Variants in IKBKE observed in about 807,000 individuals in gnomAD.
IKBKE encodes the protein inhibitor of nuclear factor kappa-B kinase subunit epsilon.
IKBKE carries 45 observed loss-of-function variants against 92.1 expected under a neutral mutation model. The ratio of observed to expected loss-of-function variants is 0.49; its 90% confidence interval spans 0.38 to 0.63. IKBKE has a LOEUF of 0.63. IKBKE is among the 20% of genes least tolerant of loss of function. IKBKE has a pLI of 0.00. For synonymous variants in IKBKE, 374 were observed against 380.3 expected (o/e 0.98, Z 0.19); for missense variants, 700 against 932.8 (o/e 0.75, Z 3.25).
chr1:206,479,858 C>A lies in IKBKE; in HGVS notation c.1184-12C>A. 6.2e-7 allele frequency: 1 copy of A among 1,613,640 alleles called. No homozygotes were observed. Among genetic ancestry groups the A allele is most frequent in the African/African-American group, 1.3e-5 (1 of 75,010 alleles). On this transcript the variant is annotated splice_polypyrimidine_tract_variant and intron_variant, in intron 10 of 21. Coordinates refer to ENST00000581977, the MANE Select transcript of IKBKE (RefSeq NM_014002.4). ...TACAGGCAGGCCCCTCAGACAGGGT[C>A]TTTGTCTGCAGCTGCTCTGGACGTC...
chr1:206,484,429 G>T (rs1356852777), intron 13 of IKBKE, among the ~76,000 whole-genome samples: 1 of 152,268 alleles, frequency 6.6e-6, no homozygotes, highest in South Asian at 2.1e-4. Flanking sequence ...CCGTTACATT[G>T]TCCCTGTAGA....
intron 2 of IKBKE, among the ~76,000 whole-genome samples, 156 bp downstream of exon 2, chr1:206,471,401 G>T (rs1664764611): frequency 6.6e-6 from 1 of 152,156 alleles, no homozygotes; most frequent in Non-Finnish European, 1.5e-5. Flanking sequence ...TGGGGTGGTG[G>T]GGGGAGGATC....
At position 206,496,714 on chromosome 1, in the gene IKBKE, TA is replaced by T. The variant is rs1666258848; in HGVS notation, c.*572del. 3 of 233,210 alleles carry T rather than the reference TA, an allele frequency of 1.3e-5. No homozygotes were observed. The highest frequency in any genetic ancestry group is 1.1e-4 in the Admixed American group (2 of 17,784). The allele number at this position is 233,210 out of a possible 1,614,324, so 14.4% of individuals were successfully genotyped here. A position where few individuals can be genotyped will look rare whatever the true frequency, so the allele number is the denominator to read the frequency against. ...TTTCTATGCTTGGTCTGACTGAGCCTAAAGTTGAGAAAATGGGTGGCCAAGG... is the reference window on the plus strand; with the variant it reads ...TTTCTATGCTTGGTCTGACTGAGCCTAAGTTGAGAAAATGGGTGGCCAAGG... On this transcript the variant is annotated 3_prime_UTR_variant, in exon 22 of 22. Transcript: ENST00000581977.
Position 206,479,941 on chromosome 1 carries a change from G to T in IKBKE, c.1248+7G>T, listed in dbSNP as rs782451050. On this transcript the variant is annotated splice_region_variant and intron_variant, in intron 11 of 21. Transcript: ENST00000581977. Reference sequence around the variant, plus strand: ...GGATTACAACACTGCCAAGGTGAGGGGCAACCCCCAGGTGGCAGGGAGGGG... The same window carrying T: ...GGATTACAACACTGCCAAGGTGAGGTGCAACCCCCAGGTGGCAGGGAGGGG... The T allele has an allele frequency of 1.9e-6, 3 of 1,613,742 alleles. No individual in the cohort carries two copies.
At position 206,493,912 on chromosome 1, in the gene IKBKE, T is replaced by G; in HGVS notation, c.2046-8T>G. 1 of 1,613,742 alleles carries G rather than the reference T, an allele frequency of 6.2e-7. No homozygotes were observed. Among genetic ancestry groups the G allele is most frequent in the Non-Finnish European group, 8.5e-7 (1 of 1,179,788 alleles). On this transcript the variant is annotated splice_region_variant and splice_polypyrimidine_tract_variant and intron_variant, in intron 20 of 21. Transcript: ENST00000581977. ...CTCAGCCGCCTCTCCTGCCTCTGCC[T>G]TGGGCAGCATGCAAGAGCTCTGCGA...
At chr1:206,486,827 C>T (rs538584661) in intron 15 of IKBKE, among the ~76,000 whole-genome samples, 18 of 150,412 alleles carry the variant, frequency 1.2e-4, no homozygotes, top group Non-Finnish European at 2.5e-4. Flanking sequence ...GGCTGTGGAT[C>T]GAGGCCCCGT....
chr1:206,489,439 A>G (rs1553389705), intron 16 of IKBKE, among the ~76,000 whole-genome samples: 1 of 148,378 alleles, frequency 6.7e-6, no homozygotes. Flanking sequence ...GCAGTGGCTC[A>G]TGTCTGTAAT....
At chr1:206,479,740 G>T in intron 10 of IKBKE, 130 bp from the exon 11 acceptor site, 1 of 982,488 alleles carries the variant, frequency 1.0e-6, no homozygotes, top group Non-Finnish European at 1.6e-6. Context: ...AAGGTGGGAG[G>T]CTCAGGGTGA....
At chr1:206,494,414 GGC>G (rs1666113137) in intron 21 of IKBKE, among the ~76,000 whole-genome samples, 2 of 151,988 alleles carry the variant, frequency 1.3e-5, no homozygotes, top group Admixed American at 1.3e-4. Context: ...GTGTTTCTCT[GGC>G]CTTGTGGGGC....
intron 2 of IKBKE, 91 bp from the exon 3 acceptor site, chr1:206,473,105 G>A (rs1664865482): frequency 2.7e-6 from 2 of 736,458 alleles, no homozygotes; most frequent in Non-Finnish European, 4.8e-6. Context: ...CCTTCTTAGG[G>A]TAGCCTTGGG....
intron 20 of IKBKE, 77 bp downstream of exon 20, chr1:206,493,455 C>G: frequency 8.8e-7 from 1 of 1,137,930 alleles, no homozygotes; most frequent in Non-Finnish European, 1.3e-6. Context: ...GAGGTTAGAG[C>G]CTGAGGGGTT....
Position 206,493,990 on chromosome 1 carries a change from C to A in IKBKE, c.2116C>A (p.Arg706=). The change falls in exon 21 of 22, where the codon CGG becomes AGG. Residue 706 remains arginine, a splice_region_variant and synonymous_variant. Transcript: ENST00000581977. ...CCTGGACAACAACCGCATCATCGAA[C>A]GGTAAGGAGCTTTCACCTTGTGTAG... ...DLLDNNRIIE[R]LNRVPAPPDV is the part of the protein sequence containing the mutation. 1 of 1,613,696 alleles carries A rather than the reference C, an allele frequency of 6.2e-7. No homozygotes were observed.
chr1:206,491,852 G>A (rs1413293868), intron 18 of IKBKE, 103 bp downstream of exon 18: 19 of 801,592 alleles, frequency 2.4e-5, no homozygotes, highest in Non-Finnish European at 3.9e-5. Context: ...AGGGAGGAGT[G>A]AGTGAAGGGG....
chr1:206,493,143 G>A, intron 19 of IKBKE, 24 bp downstream of exon 19: 1 of 1,577,828 alleles, frequency 6.3e-7, no homozygotes, highest in Non-Finnish European at 8.6e-7. Context: ...AAGGATTCTA[G>A]GTGCTCTGGG....
At position 206,496,436 on chromosome 1, in the gene IKBKE, A is replaced by G; in HGVS notation, c.*291A>G. On this transcript the variant is annotated 3_prime_UTR_variant, in exon 22 of 22. Coordinates refer to ENST00000581977, the MANE Select transcript of IKBKE (RefSeq NM_014002.4). Reference sequence around the variant, plus strand: ...CTCTAGGCTCAGGTACTGCTCCTCCATGCCCATGGCTGGGCCGTGGGGAGA... The same window carrying G: ...CTCTAGGCTCAGGTACTGCTCCTCCGTGCCCATGGCTGGGCCGTGGGGAGA... 2 of 453,350 alleles carry G rather than the reference A, an allele frequency of 4.4e-6. No homozygotes were observed. Among genetic ancestry groups the G allele is most frequent in the Non-Finnish European group, 8.0e-6 (2 of 249,996 alleles). 28.1% of individuals were successfully genotyped at this position (453,350 alleles called of 1,614,324 possible).
At chr1:206,481,716 A>C (rs1665399387) in intron 13 of IKBKE, among the ~76,000 whole-genome samples, 1 of 142,166 alleles carries the variant, frequency 7.0e-6, no homozygotes, top group Non-Finnish European at 1.5e-5. Context: ...GGGTAAGAGG[A>C]GACCTGAGAT....
At position 206,493,012 on chromosome 1, in the gene IKBKE, G is replaced by A. The variant is rs1291119489; in HGVS notation, c.1836-11G>A. The A allele has an allele frequency of 1.9e-6, 3 of 1,558,904 alleles. No individual in the cohort carries two copies. The African/African-American group carries it at 4.1e-5, about 21-fold the overall frequency. ...CTGCTCTAATTCTAAGTCTCTGTGT[G>A]TTCTCTTGAGGGTGGTGCACGAGAC... On this transcript the variant is annotated splice_polypyrimidine_tract_variant and intron_variant, in intron 18 of 21. Coordinates refer to ENST00000581977, the MANE Select transcript of IKBKE (RefSeq NM_014002.4).
chr1:206,477,692 C>T (rs1301442912), intron 7 of IKBKE, 57 bp from the exon 8 acceptor site: 35 of 1,070,080 alleles, frequency 3.3e-5, no homozygotes, highest in African/African-American at 4.7e-5. Flanking sequence ...CTGAGTGTGT[C>T]GTTGCCCGGC....
At position 206,476,812 on chromosome 1, in the gene IKBKE, T is replaced by C; in HGVS notation, c.675T>C (p.Gly225=). 1 of 1,614,204 alleles carries C rather than the reference T, an allele frequency of 6.2e-7. No homozygotes were observed. Among genetic ancestry groups the C allele is most frequent in the Non-Finnish European group, 8.5e-7 (1 of 1,180,028 alleles). ...GCAGCCTGCCCTTCATCCCCTTTGGTGGGCCACGGCGGAACAAGGAGATCA... is the reference window on the plus strand; with the variant it reads ...GCAGCCTGCCCTTCATCCCCTTTGGCGGGCCACGGCGGAACAAGGAGATCA... ...ATGSLPFIPF[G]GPRRNKEIMY... is the part of the protein sequence containing the mutation. The change falls in exon 7 of 22, where the codon GGT becomes GGC. Residue 225 remains glycine, a synonymous_variant. Transcript: ENST00000581977. This position sits in a 1 kb window ranked among gnomAD's most constrained non-coding sequence, Gnocchi z 5.1.
Sources: allele counts gnomAD v4.1 joint callset (sites outside exome capture counted in the v4.1 genomes callset), GRCh38; gene constraint gnomAD v4.1.1; non-coding constraint Gnocchi (gnomAD v3.1); transcripts MANE v1.5; gene names NCBI Gene and HGNC (gene_info 2026-07-23, HGNC 2026-07-21).